Variants in SPMAP1 observed in about 807,000 individuals in gnomAD.
SPMAP1 encodes sperm microtubule associated protein 1.
At chr17:38,840,049 G>A in the SPMAP1 span, among the ~76,000 whole-genome samples, 2 of 152,096 alleles carry the variant, frequency 1.3e-5, no homozygotes, top group African/African-American at 2.4e-5. Flanking sequence ...AAACAGTCTC[G>A]GAATCTTTGA....
the SPMAP1 span, among the ~76,000 whole-genome samples, chr17:38,840,619 A>G: frequency 0.13 from 1,651 of 12,798 alleles, 48 homozygotes; most frequent in East Asian, 0.49. Flanking sequence ...CCTCTCTACA[A>G]AAAAAAAAAA....
At chr17:38,835,780 G>A in the SPMAP1 span, among the ~76,000 whole-genome samples, 2 of 152,278 alleles carry the variant, frequency 1.3e-5, no homozygotes, top group East Asian at 1.9e-4. Flanking sequence ...GGTGGAGCCA[G>A]GCTGGGAGGA....
chr17:38,841,117 T>C, the SPMAP1 span: 31 of 1,239,984 alleles, frequency 2.5e-5, no homozygotes, highest in East Asian at 5.2e-4. Context: ...GGAGCCTTCT[T>C]TGTGGTGAGA....
At chr17:38,835,338 G>C in the SPMAP1 span, 1 of 1,614,168 alleles carries the variant, frequency 6.2e-7, no homozygotes, top group South Asian at 1.1e-5. Context: ...ACCTGCTGGA[G>C]AGAATGCCCT....
the SPMAP1 span, among the ~76,000 whole-genome samples, chr17:38,838,004 C>T: frequency 6.6e-6 from 1 of 152,124 alleles, no homozygotes; most frequent in South Asian, 2.1e-4. Flanking sequence ...CCTGCCTCAT[C>T]CTCCTGAGTA....
the SPMAP1 span, chr17:38,841,068 A>T: frequency 3.0e-6 from 2 of 662,222 alleles, no homozygotes; most frequent in Non-Finnish European, 4.9e-6. Flanking sequence ...ATAAAAATTT[A>T]AAAAAGAAAA....
At chr17:38,835,228 C>T in the SPMAP1 span, 22 of 1,614,092 alleles carry the variant, frequency 1.4e-5, no homozygotes, top group African/African-American at 2.7e-5. Flanking sequence ...CGAAGACGGA[C>T]GTGCTCTGAC....
chr17:38,841,150 A>G, the SPMAP1 span: 2 of 1,542,038 alleles, frequency 1.3e-6, no homozygotes, highest in Non-Finnish European at 1.8e-6. Flanking sequence ...AGATTTAGGG[A>G]GGTGTGTGGG....
the SPMAP1 span, among the ~76,000 whole-genome samples, chr17:38,839,146 C>A: frequency 6.1e-5 from 9 of 148,086 alleles, no homozygotes; most frequent in Non-Finnish European, 1.0e-4. Flanking sequence ...TATACCCTAT[C>A]ATTTTCAACC....
chr17:38,840,519 C>T, the SPMAP1 span, among the ~76,000 whole-genome samples: 1 of 148,718 alleles, frequency 6.7e-6, no homozygotes, highest in Non-Finnish European at 1.5e-5. Context: ...CTCCAGTCCT[C>T]GGGCTGCGTT....
the SPMAP1 span, among the ~76,000 whole-genome samples, chr17:38,838,883 G>C: frequency 6.6e-6 from 1 of 151,792 alleles, no homozygotes; most frequent in African/African-American, 2.4e-5. Context: ...TCAGGAGTTC[G>C]AGACCAGCCT....
At chr17:38,837,241 C>G in the SPMAP1 span, 18 of 1,609,324 alleles carry the variant, frequency 1.1e-5, no homozygotes, top group Non-Finnish European at 1.4e-5. Context: ...CGCCATGATC[C>G]TGAAAGTGGG....
At chr17:38,839,076 ACT>A in the SPMAP1 span, among the ~76,000 whole-genome samples, 2 of 120,682 alleles carry the variant, frequency 1.7e-5, no homozygotes, top group Admixed American at 1.0e-4. Flanking sequence ...ACAGAGTGAG[ACT>A]CTGTCTCAAA....
the SPMAP1 span, among the ~76,000 whole-genome samples, chr17:38,839,924 G>A: frequency 1.3e-5 from 2 of 151,740 alleles, no homozygotes; most frequent in African/African-American, 2.4e-5. Flanking sequence ...CACAAATCCC[G>A]AAGATTTGCT....
the SPMAP1 span, among the ~76,000 whole-genome samples, chr17:38,840,450 G>A: frequency 6.6e-6 from 1 of 151,864 alleles, no homozygotes; most frequent in African/African-American, 2.4e-5. Context: ...TCAAATTCAG[G>A]GCTGGAAGGC....
the SPMAP1 span, among the ~76,000 whole-genome samples, chr17:38,838,125 C>T: frequency 1.3e-5 from 2 of 151,988 alleles, no homozygotes; most frequent in Non-Finnish European, 2.9e-5. Context: ...TCAAGTGATC[C>T]ACCCGCCTCG....
At chr17:38,839,552 C>T in the SPMAP1 span, among the ~76,000 whole-genome samples, 1 of 151,442 alleles carries the variant, frequency 6.6e-6, no homozygotes, top group Non-Finnish European at 1.5e-5. Context: ...CTTTTGGAGG[C>T]CGAGGCAGGC....
chr17:38,836,748 G>T, the SPMAP1 span, among the ~76,000 whole-genome samples: 2 of 151,792 alleles, frequency 1.3e-5, no homozygotes, highest in African/African-American at 4.8e-5. Context: ...GAGCCACCAC[G>T]CCTGGCTAAT....
the SPMAP1 span, among the ~76,000 whole-genome samples, chr17:38,839,777 G>T: frequency 2.5e-3 from 373 of 152,076 alleles, 1 homozygote; most frequent in Middle Eastern, 6.8e-3. Flanking sequence ...TCCAGCCTGG[G>T]CGACAGAGCG....
Sources: gnomAD v4.1 joint callset for allele counts (sites outside exome capture counted in the v4.1 genomes callset) on GRCh38, gnomAD v4.1.1 for gene constraint, MANE v1.5 for transcripts, NCBI Gene and HGNC (gene_info 2026-07-23, HGNC 2026-07-21) for gene names.